The following WWOX variants were observed in gnomAD, a reference collection of about 807,000 sequenced individuals.
WWOX encodes the protein WW domain-containing oxidoreductase.
In WWOX, 69 loss-of-function variants were observed where a neutral mutation model predicts 46.2. That is an observed-to-expected ratio of 1.49 (90% confidence interval 1.23 to 1.82). WWOX has a LOEUF of 1.82. Ranked by LOEUF, WWOX falls within the 40% of genes most tolerant of loss-of-function variation. WWOX has a pLI of 0.00. For synonymous variants in WWOX, 359 were observed against 202.6 expected, an observed-to-expected ratio of 1.77 and a Z score of -6.56; for missense variants, 919 against 542.6, an observed-to-expected ratio of 1.69 and a Z score of -6.89.
At chr16:78,707,456 G>C (rs997199416) in intron 8 of WWOX, among the ~76,000 whole-genome samples, 9 of 152,194 alleles carry the variant, frequency 5.9e-5, no homozygotes, top group Non-Finnish European at 1.0e-4. Flanking sequence ...TCTTGGGCTA[G>C]TTGGTATAGC....
At chr16:78,750,589 A>C (rs1285803536) in intron 8 of WWOX, among the ~76,000 whole-genome samples, 1 of 152,120 alleles carries the variant, frequency 6.6e-6, no homozygotes, top group Non-Finnish European at 1.5e-5. Flanking sequence ...CCATCACCCA[A>C]ATTAGTAAAC....
chr16:78,254,455 A>C (rs1335545153), intron 5 of WWOX, among the ~76,000 whole-genome samples: 4 of 130,506 alleles, frequency 3.1e-5, no homozygotes, highest in Non-Finnish European at 4.8e-5. Context: ...TTTTGCTTAG[A>C]GGTTCACCAC....
chr16:78,535,654 T>A (rs145162666), intron 8 of WWOX: 5 of 152,228 alleles, frequency 3.3e-5, no homozygotes, highest in Admixed American at 3.3e-4. Context: ...AAAGGAAGTT[T>A]AAACAATCTC....
chr16:78,567,271 C>T (rs373362197), intron 8 of WWOX, among the ~76,000 whole-genome samples: 4 of 151,986 alleles, frequency 2.6e-5, no homozygotes, highest in Admixed American at 1.3e-4. Context: ...TTTGGTTGGG[C>T]GCGGTGGCTC....
intron 4 of WWOX, chr16:78,124,430 T>A (rs1186091288): frequency 1.3e-5 from 2 of 152,188 alleles, no homozygotes; most frequent in African/African-American, 4.8e-5. Flanking sequence ...ACACAGACCT[T>A]CTTGGACTTT....
At chr16:78,903,109 G>GA (rs2044870591) in intron 8 of WWOX, among the ~76,000 whole-genome samples, 1 of 152,192 alleles carries the variant, frequency 6.6e-6, no homozygotes, top group Non-Finnish European at 1.5e-5. Context: ...CATAGAGTGG[G>GA]AACGGCCCAA....
At chr16:78,239,805 G>T (rs1467055644) in intron 5 of WWOX, among the ~76,000 whole-genome samples, 1 of 152,144 alleles carries the variant, frequency 6.6e-6, no homozygotes, top group Non-Finnish European at 1.5e-5. Flanking sequence ...AAAATGCCGG[G>T]ATTATAGATG....
In WWOX at chr16:78,592,413, T is replaced by G. The variant is rs192672639; in HGVS notation, c.1056+159661T>G. Among the ~76,000 whole-genome samples, 448 of 152,226 alleles carry G rather than the reference T, an allele frequency of 2.9e-3. 2 individuals are homozygous for G. The highest frequency in any genetic ancestry group is 0.01 in the African/African-American group (422 of 41,544). The stretch of plus-strand genomic sequence containing the variant: ...AAGTTCCTGTATTAAATTACAACCA[T>G]AAGAACATACACAAGCATGCAGATT... On this transcript the variant is annotated intron_variant, in intron 8 of 8. Transcript: ENST00000566780.
intron 8 of WWOX, among the ~76,000 whole-genome samples, chr16:78,487,700 A>T (rs568381579): frequency 1.3e-5 from 2 of 152,218 alleles, no homozygotes; most frequent in African/African-American, 4.8e-5. Context: ...GATAATAAAA[A>T]CATGTCTCCA....
intron 8 of WWOX, among the ~76,000 whole-genome samples, chr16:79,188,238 A>G (rs947615401): frequency 1.3e-5 from 2 of 152,160 alleles, no homozygotes; most frequent in Admixed American, 6.5e-5. Flanking sequence ...TAAAAATGGA[A>G]ACACACACTT....
chr16:78,851,368 C>G (rs1477431838), intron 8 of WWOX, among the ~76,000 whole-genome samples: 1 of 152,172 alleles, frequency 6.6e-6, no homozygotes, highest in Non-Finnish European at 1.5e-5. Context: ...ATAGGTGGAA[C>G]TACAGAAAAA....
chr16:78,601,825 A>C (rs1473992789), intron 8 of WWOX, among the ~76,000 whole-genome samples: 1 of 152,066 alleles, frequency 6.6e-6, no homozygotes, highest in Non-Finnish European at 1.5e-5. Flanking sequence ...TGACATTCCA[A>C]CTGGGAATAT....
At chr16:78,692,944 A>G (rs2048024280) in intron 8 of WWOX, among the ~76,000 whole-genome samples, 2 of 152,190 alleles carry the variant, frequency 1.3e-5, no homozygotes, top group Admixed American at 1.3e-4. Flanking sequence ...CTAAAACTTG[A>G]GTTATTAAAC....
At chr16:78,233,515 G>T in intron 5 of WWOX, among the ~76,000 whole-genome samples, 1 of 143,860 alleles carries the variant, frequency 7.0e-6, no homozygotes, top group South Asian at 2.2e-4. Context: ...ATTTTCCTTT[G>T]ATGATTAAAT....
chr16:78,770,924 T>C (rs2050048809), intron 8 of WWOX, among the ~76,000 whole-genome samples: 1 of 152,230 alleles, frequency 6.6e-6, no homozygotes, highest in Non-Finnish European at 1.5e-5. Context: ...GTAAGAATTA[T>C]TATGTGTGCT....
intron 5 of WWOX, among the ~76,000 whole-genome samples, chr16:78,317,680 C>T (rs1228928580): frequency 6.6e-6 from 1 of 152,086 alleles, no homozygotes; most frequent in African/African-American, 2.4e-5. Flanking sequence ...CTCCTGCTCT[C>T]TGTTGACTCT....
chr16:78,770,725 C>A (rs941133432), intron 8 of WWOX, among the ~76,000 whole-genome samples: 2 of 150,366 alleles, frequency 1.3e-5, no homozygotes, highest in Non-Finnish European at 3.0e-5. Context: ...GCACCAGAAC[C>A]CGTCTGCGCC....
chr16:78,557,266 A>G (rs553313898), intron 8 of WWOX, among the ~76,000 whole-genome samples: 5 of 152,298 alleles, frequency 3.3e-5, no homozygotes, highest in African/African-American at 7.2e-5. Flanking sequence ...CTACCTATCT[A>G]TGATCACATA....
intron 5 of WWOX, among the ~76,000 whole-genome samples, chr16:78,375,193 G>T (rs1012662965): frequency 4.6e-5 from 7 of 152,262 alleles, no homozygotes; most frequent in African/African-American, 1.7e-4. Flanking sequence ...AACCGTCGTC[G>T]TCATTTCTCA....
Sources: gnomAD v4.1 joint callset for allele counts (sites outside exome capture counted in the v4.1 genomes callset) on GRCh38, gnomAD v4.1.1 for gene constraint, MANE v1.5 for transcripts, NCBI Gene and HGNC (gene_info 2026-07-23, HGNC 2026-07-21) for gene names.